RBMS3: variants seen among roughly 807,000 people sequenced by gnomAD.
RBMS3 encodes the protein RNA binding motif single stranded interacting protein 3.
Under a neutral mutation model 66.8 loss-of-function variants are expected in RBMS3, and 27 were observed. The observed-to-expected ratio is 0.40, with a 90% CI of 0.30 to 0.56. The LOEUF (loss-of-function observed/expected upper bound fraction) is 0.56, where lower values mean the gene tolerates loss of function less well. RBMS3 is among the 20% of genes least tolerant of loss of function. The pLI, the probability that RBMS3 is intolerant of heterozygous loss-of-function variation, is 0.40. For synonymous variants in RBMS3, 188 were observed against 183.0 expected, an observed-to-expected ratio of 1.03 and a Z score of -0.22; for missense variants, 513 against 549.5, an observed-to-expected ratio of 0.93 and a Z score of 0.66.
intron 6 of RBMS3, among the ~76,000 whole-genome samples, chr3:29,804,951 G>A (rs1481874066): frequency 7.3e-6 from 1 of 137,178 alleles, no homozygotes; most frequent in African/African-American, 2.6e-5. Context: ...GTGTGTGTGT[G>A]TGTGTGGCAA....
chr3:29,545,433 A>C (rs1026961649), intron 3 of RBMS3, among the ~76,000 whole-genome samples: 2 of 152,182 alleles, frequency 1.3e-5, no homozygotes, highest in African/African-American at 2.4e-5. Flanking sequence ...CAGATTATTA[A>C]ATTATGATGA....
intron 4 of RBMS3, among the ~76,000 whole-genome samples, chr3:29,623,970 T>G (rs9829357): frequency 0.3 from 46,073 of 152,150 alleles, 7,718 homozygotes; most frequent in African/African-American, 0.44. Context: ...AAAAGCAGAC[T>G]GCCAGTATGG....
chr3:29,308,371 C>T (rs1046693871), intron 1 of RBMS3, among the ~76,000 whole-genome samples: 1 of 151,742 alleles, frequency 6.6e-6, no homozygotes, highest in African/African-American at 2.4e-5. Context: ...TTGGAGAAGA[C>T]AGAGTTATTT....
chr3:29,417,475 C>G (rs2125695529), intron 1 of RBMS3, among the ~76,000 whole-genome samples: 1 of 152,080 alleles, frequency 6.6e-6, no homozygotes, highest in Admixed American at 6.6e-5. Flanking sequence ...TTAGCTCTCC[C>G]TAATATTATC....
intron 4 of RBMS3, among the ~76,000 whole-genome samples, chr3:29,731,176 C>A (rs912155892): frequency 1.3e-5 from 2 of 152,186 alleles, no homozygotes; most frequent in Non-Finnish European, 2.9e-5. Context: ...ACAATCAGGT[C>A]CCTGCTGAGT....
At chr3:29,530,865 C>A (rs1288931051) in intron 3 of RBMS3, among the ~76,000 whole-genome samples, 1 of 149,928 alleles carries the variant, frequency 6.7e-6, no homozygotes, top group South Asian at 2.1e-4. Flanking sequence ...GTGCAAGATT[C>A]CATCTCAAAA....
At chr3:29,843,189 G>T (rs1179846121) in intron 6 of RBMS3, among the ~76,000 whole-genome samples, 1 of 152,146 alleles carries the variant, frequency 6.6e-6, no homozygotes, top group East Asian at 1.9e-4. Context: ...AATGTATATT[G>T]TGAACTTCTA....
intron 12 of RBMS3, among the ~76,000 whole-genome samples, chr3:29,964,261 G>A (rs189195953): frequency 1.3e-5 from 2 of 152,246 alleles, no homozygotes; most frequent in Admixed American, 1.3e-4. Flanking sequence ...GTGAAATTTA[G>A]TTTTAAAAAG....
chr3:29,542,442 C>T (rs1159412091), intron 3 of RBMS3, among the ~76,000 whole-genome samples: 1 of 152,094 alleles, frequency 6.6e-6, no homozygotes, highest in Non-Finnish European at 1.5e-5. Context: ...CTCACTGCAA[C>T]CTGCGCCTCC....
At chr3:29,780,333 T>A (rs371377307) in intron 6 of RBMS3, among the ~76,000 whole-genome samples, 18 of 146,150 alleles carry the variant, frequency 1.2e-4, no homozygotes, top group Middle Eastern at 3.6e-3. Context: ...AAAAAAAAAA[T>A]TTGAGTGAAT....
chr3:29,939,837 C>G (rs1375505), intron 11 of RBMS3, among the ~76,000 whole-genome samples: 146,304 of 151,904 alleles, frequency 0.96, 70,508 homozygotes, highest in East Asian at 1. Flanking sequence ...CTAATAATTT[C>G]AGACTCATTT....
intron 1 of RBMS3, among the ~76,000 whole-genome samples, chr3:29,406,062 A>G (rs1448137475): frequency 2.6e-5 from 4 of 152,196 alleles, no homozygotes; most frequent in East Asian, 1.9e-4. Flanking sequence ...CACCCAGACT[A>G]TGTTTAACAA....
At chr3:29,898,768 T>TGTGTGTGTGTGTGTG (rs1559780483) in intron 9 of RBMS3, among the ~76,000 whole-genome samples, 5 of 150,696 alleles carry the variant, frequency 3.3e-5, no homozygotes, top group African/African-American at 1.2e-4. Flanking sequence ...TGTGTGTGTG[T>TGTGTGTGTGTGTGTG]TTCCTTTTTT....
At chr3:29,934,148 T>C (rs1287277010) in intron 10 of RBMS3, 1 of 152,124 alleles carries the variant, frequency 6.6e-6, no homozygotes, top group African/African-American at 2.4e-5. Context: ...GAGCAAGCTG[T>C]TTAGAATTGA....
At chr3:29,962,555 T>C (rs761464675) in intron 12 of RBMS3, among the ~76,000 whole-genome samples, 5 of 150,176 alleles carry the variant, frequency 3.3e-5, no homozygotes, top group Non-Finnish European at 7.4e-5. Flanking sequence ...AAGACTCATA[T>C]ATATATATAT....
intron 7 of RBMS3, among the ~76,000 whole-genome samples, chr3:29,883,894 G>A (rs770883919): frequency 6.6e-5 from 10 of 151,982 alleles, no homozygotes; most frequent in Non-Finnish European, 1.2e-4. Context: ...GACAGTGGAT[G>A]TTTTAAGAAG....
At chr3:29,604,318 T>G (rs1367181873) in intron 4 of RBMS3, among the ~76,000 whole-genome samples, 1 of 152,118 alleles carries the variant, frequency 6.6e-6, no homozygotes, top group South Asian at 2.1e-4. Flanking sequence ...ATTTTTAATA[T>G]CTTTAATGAC....
At chr3:29,895,173 G>A (rs1400162401) in intron 8 of RBMS3, among the ~76,000 whole-genome samples, 2 of 151,538 alleles carry the variant, frequency 1.3e-5, no homozygotes. Flanking sequence ...GTATTTTAGA[G>A]TGTTATTCGT....
At chr3:29,663,643 C>T (rs1196863009) in intron 4 of RBMS3, among the ~76,000 whole-genome samples, 2 of 152,112 alleles carry the variant, frequency 1.3e-5, no homozygotes, top group East Asian at 1.9e-4. Flanking sequence ...CCAGTGGCCT[C>T]GAGAAGACTA....
Sources: allele counts gnomAD v4.1 joint callset (sites outside exome capture counted in the v4.1 genomes callset), GRCh38; gene constraint gnomAD v4.1.1; transcripts MANE v1.5; gene names NCBI Gene and HGNC (gene_info 2026-07-23, HGNC 2026-07-21).